LEF1: variants seen among roughly 807,000 people sequenced by gnomAD.
LEF1 encodes the protein lymphoid enhancer binding factor 1, also known as lymphoid enhancer-binding factor 1.
In LEF1, 14 loss-of-function variants were observed where a neutral mutation model predicts 51.2. The observed-to-expected ratio is 0.27, with a 90% confidence interval of 0.18 to 0.43. The LOEUF (loss-of-function observed/expected upper bound fraction) is 0.43. Among genes scored for constraint, LEF1 ranks in the 20% least tolerant of loss-of-function variants. The probability of loss-of-function intolerance (pLI) is 1.00; values close to 1 mark genes in which losing one functional copy is unlikely to be tolerated. For synonymous variants in LEF1, 185 were observed against 183.2 expected, an observed-to-expected ratio of 1.01 and a Z score of -0.08; for missense variants, 386 against 512.0, an observed-to-expected ratio of 0.75 and a Z score of 2.37.
chr4:108,083,501 A>G (rs1459891780), intron 4 of LEF1, 55 bp from the exon 5 acceptor site: 3 of 1,111,376 alleles, frequency 2.7e-6, no homozygotes, highest in Non-Finnish European at 4.0e-6. Flanking sequence ...ATTTAACCAG[A>G]AATGCAACTA....
chr4:108,051,082 CAAGA>C (rs1736958500), intron 11 of LEF1, among the ~76,000 whole-genome samples: 2 of 152,162 alleles, frequency 1.3e-5, no homozygotes, highest in South Asian at 2.1e-4. Context: ...TGTCACTTGC[CAAGA>C]AAGAGTCTAT....
At chr4:108,092,257 G>A (rs760574453) in intron 3 of LEF1, among the ~76,000 whole-genome samples, 1 of 152,188 alleles carries the variant, frequency 6.6e-6, no homozygotes, top group African/African-American at 2.4e-5. Context: ...GATGGATAGC[G>A]AAAGCAGTAC....
At chr4:108,151,568 C>T (rs747362029) in intron 3 of LEF1, among the ~76,000 whole-genome samples, 27 of 152,102 alleles carry the variant, frequency 1.8e-4, no homozygotes, top group Non-Finnish European at 3.5e-4. Flanking sequence ...TGTTTACAGT[C>T]GTCCTTACCC....
At chr4:108,134,808 G>A (rs1743147448) in intron 3 of LEF1, among the ~76,000 whole-genome samples, 1 of 152,192 alleles carries the variant, frequency 6.6e-6, no homozygotes, top group Non-Finnish European at 1.5e-5. Flanking sequence ...GCCAAAGGGA[G>A]ATCCAGGATT....
chr4:108,099,554 GTATGTGTGTGTGTGTGTATATATATA>G lies in LEF1; in HGVS notation c.415-10323_415-10298del, dbSNP rs1740626031. On this transcript the variant is annotated intron_variant, in intron 3 of 11. Coordinates refer to ENST00000265165, the MANE Select transcript of LEF1 (RefSeq NM_016269.5). ...TATATATGTGTATATGTGTGTGTGT[GTATGTGTGTGTGTGTGTATATATATA>G]TATATATATATATATATATATATAT... 2.2e-4 allele frequency among the ~76,000 whole-genome samples: 8 copies of G among 37,042 alleles called. No homozygotes were observed. The South Asian group carries it at 7.3e-3, about 34-fold the overall frequency. The allele number at this position is 37,042 out of a possible 152,430, so 24.3% of individuals were successfully genotyped here.
At chr4:108,061,109 G>A (rs1401306861) in intron 11 of LEF1, among the ~76,000 whole-genome samples, 1 of 152,138 alleles carries the variant, frequency 6.6e-6, no homozygotes, top group Non-Finnish European at 1.5e-5. Flanking sequence ...TTCAAAGGCT[G>A]CATGACTGAT....
Position 108,160,575 on chromosome 4 carries a change from G to C in LEF1, c.414+2993C>G, listed in dbSNP as rs1578410779. Reference sequence around the variant, plus strand: ...ACCCATTCATAAGATTTCTGGTATAGACACATTCACACCCCTAAGGATTCC... The same window carrying C: ...ACCCATTCATAAGATTTCTGGTATACACACATTCACACCCCTAAGGATTCC... On this transcript the variant is annotated intron_variant, in intron 3 of 11. Transcript: ENST00000265165. Among the ~76,000 whole-genome samples, 3 of 152,190 alleles carry C rather than the reference G, an allele frequency of 2.0e-5. No individual in the cohort carries two copies. The South Asian group carries it at 6.2e-4, about 32-fold the overall frequency.
intron 11 of LEF1, among the ~76,000 whole-genome samples, chr4:108,050,855 G>A (rs1255396727): frequency 6.6e-6 from 1 of 152,098 alleles, no homozygotes; most frequent in Non-Finnish European, 1.5e-5. Flanking sequence ...CTGAGGTACA[G>A]ACAACTTCCA....
At chr4:108,050,031 C>G (rs933939816) in intron 11 of LEF1, among the ~76,000 whole-genome samples, 2 of 152,162 alleles carry the variant, frequency 1.3e-5, no homozygotes. Context: ...TCCAATTATG[C>G]CCAATGCGGC....
intron 3 of LEF1, among the ~76,000 whole-genome samples, chr4:108,089,872 A>G (rs967240324): frequency 1.3e-5 from 2 of 152,230 alleles, no homozygotes; most frequent in African/African-American, 4.8e-5. Context: ...AAACAAGACT[A>G]GCCATTATGC....
At chr4:108,138,304 A>G (rs536566846) in intron 3 of LEF1, among the ~76,000 whole-genome samples, 2 of 152,352 alleles carry the variant, frequency 1.3e-5, no homozygotes. Context: ...AACAACAAAA[A>G]GAGGTATCAA....
intron 3 of LEF1, among the ~76,000 whole-genome samples, chr4:108,133,055 C>G (rs2110355603): frequency 6.6e-6 from 1 of 152,172 alleles, no homozygotes; most frequent in East Asian, 1.9e-4. Flanking sequence ...CTCACTGCAA[C>G]CTCCACCTCC....
chr4:108,058,861 C>A (rs1272262416), intron 11 of LEF1, among the ~76,000 whole-genome samples: 1 of 152,168 alleles, frequency 6.6e-6, no homozygotes, highest in Non-Finnish European at 1.5e-5. Context: ...GGTGAGTAAA[C>A]AAGTGATTAG....
intron 3 of LEF1, among the ~76,000 whole-genome samples, chr4:108,089,821 C>T (rs1301094935): frequency 1.3e-5 from 2 of 152,104 alleles, no homozygotes; most frequent in African/African-American, 4.8e-5. Flanking sequence ...CTTTAAGAAC[C>T]ATGGTACACC....
At chr4:108,122,101 G>T (rs1742215349) in intron 3 of LEF1, among the ~76,000 whole-genome samples, 1 of 152,054 alleles carries the variant, frequency 6.6e-6, no homozygotes, top group South Asian at 2.1e-4. Flanking sequence ...TAACCCATTT[G>T]ATCAATCTTA....
intron 7 of LEF1, 133 bp downstream of exon 7, chr4:108,079,359 A>C: frequency 1.0e-6 from 1 of 1,004,162 alleles, no homozygotes; most frequent in South Asian, 1.4e-5. Flanking sequence ...TCAGGGACAG[A>C]GTTTTCAAGG....
chr4:108,124,204 G>A (rs1202717174), intron 3 of LEF1, among the ~76,000 whole-genome samples: 1 of 152,058 alleles, frequency 6.6e-6, no homozygotes, highest in African/African-American at 2.4e-5. Context: ...TAATTTACAT[G>A]AGATAACTGA....
At chr4:108,166,283 G>T (rs1484309704) in intron 1 of LEF1, 5 of 1,535,948 alleles carry the variant, frequency 3.3e-6, no homozygotes, top group Admixed American at 3.9e-5. Context: ...TCTGCCATTG[G>T]GATAGAGAAG....
chr4:108,069,957 C>CA (rs5860891), intron 9 of LEF1, among the ~76,000 whole-genome samples: 30 of 142,794 alleles, frequency 2.1e-4, no homozygotes, highest in African/African-American at 3.9e-4. Context: ...GATTCTGTCT[C>CA]AAAAAAAAAA....
Sources: allele counts gnomAD v4.1 joint callset (sites outside exome capture counted in the v4.1 genomes callset), GRCh38; gene constraint gnomAD v4.1.1; transcripts MANE v1.5; gene names NCBI Gene and HGNC (gene_info 2026-07-23, HGNC 2026-07-21).